ENTPD1: variants seen among roughly 807,000 people sequenced by gnomAD.
The protein encoded by ENTPD1 is ATP diphosphohydrolase.
ENTPD1 carries 33 observed loss-of-function variants against 57.0 expected under a neutral mutation model. The observed-to-expected ratio is 0.58, with a 90% confidence interval of 0.44 to 0.77. The LOEUF is 0.77. ENTPD1 is among the 30% of genes least tolerant of loss of function. The pLI is 0.00. For synonymous variants in ENTPD1, 202 were observed against 218.8 expected (o/e 0.92, Z 0.68); for missense variants, 501 against 603.4 (o/e 0.83, Z 1.78).
chr10:95,840,197 A>G lies in ENTPD1; in HGVS notation c.262+389A>G, dbSNP rs1190060494. 2.6e-5 allele frequency among the ~76,000 whole-genome samples: 4 copies of G among 152,214 alleles called. No individual in the cohort carries two copies. In the East Asian group the frequency reaches 7.7e-4, roughly 29 times the overall value. ...GGTTATACCACTTGTTTGTTACTCA[A>G]GCTAGTAAGTGATGGAGCTGCGGTT... is the stretch of plus-strand genomic sequence containing the variant. On this transcript the variant is annotated intron_variant, in intron 3 of 9. Coordinates refer to ENST00000371205, the MANE Select transcript of ENTPD1 (RefSeq NM_001776.6).
Position 95,868,725 on chromosome 10 carries a change from T to A in ENTPD1, c.*2342T>A, listed in dbSNP as rs542054332. The A allele has an allele frequency of 4.1e-6, 4 of 985,094 alleles. No homozygotes were observed. In the African/African-American group the frequency reaches 5.2e-5, roughly 13 times the overall value. The allele number at this position is 985,094 out of a possible 1,614,324, so 61.0% of individuals were successfully genotyped here. The stretch of plus-strand genomic sequence containing the variant: ...CTCATGTCTTCTGGTTGAAGCCTAT[T>A]GCTTTTTCTTTTCTAAACACTTTCC... On this transcript the variant is annotated 3_prime_UTR_variant, in exon 10 of 10. Coordinates refer to ENST00000371205, the MANE Select transcript of ENTPD1 (RefSeq NM_001776.6).
intron 3 of ENTPD1, among the ~76,000 whole-genome samples, chr10:95,841,110 A>C (rs1157342621): frequency 6.6e-6 from 1 of 152,150 alleles, no homozygotes; most frequent in African/African-American, 2.4e-5. Flanking sequence ...TTAATGGCCA[A>C]GCACGGTGGC....
intron 1 of ENTPD1, among the ~76,000 whole-genome samples, chr10:95,770,939 T>C (rs1302369555): frequency 1.3e-5 from 2 of 152,148 alleles, no homozygotes; most frequent in Non-Finnish European, 2.9e-5. Flanking sequence ...TATAACAAAA[T>C]TTAAAATATA....
At chr10:95,696,430 C>T in the ENTPD1 span, among the ~76,000 whole-genome samples, 3 of 152,000 alleles carry the variant, frequency 2.0e-5, no homozygotes, top group African/African-American at 7.3e-5. Flanking sequence ...ACAGGTGTAC[C>T]CACCACACCC....
chr10:95,727,664 A>G lies in ENTPD1; in HGVS notation c.37+15671A>G, dbSNP rs569337157. ...TAACCTAGAAATGATATATGCTTGC[A>G]TTACTTTTCTCATGGTTATTTACAA... On this transcript the variant is annotated intron_variant, in intron 1 of 9. Transcript: ENST00000453258. Among the ~76,000 whole-genome samples, 80 of 152,294 alleles carry G rather than the reference A, an allele frequency of 5.3e-4. 1 individual carries two copies. The South Asian group carries it at 0.016, about 31-fold the overall frequency.
At chr10:95,796,934 C>T (rs904790489) in intron 1 of ENTPD1, among the ~76,000 whole-genome samples, 10 of 151,776 alleles carry the variant, frequency 6.6e-5, no homozygotes, top group African/African-American at 2.4e-4. Flanking sequence ...TAGCCAGGTG[C>T]GGTGGTGCAC....
intron 1 of ENTPD1, among the ~76,000 whole-genome samples, chr10:95,764,119 G>A (rs1003315223): frequency 2.0e-5 from 3 of 152,130 alleles, no homozygotes; most frequent in Admixed American, 6.5e-5. Context: ...ACCCTGAAAA[G>A]AAACCTCATA....
chr10:95,803,616 A>G (rs2140357458), intron 1 of ENTPD1, among the ~76,000 whole-genome samples: 1 of 152,284 alleles, frequency 6.6e-6, no homozygotes, highest in East Asian at 1.9e-4. Flanking sequence ...TCTTTGTCAG[A>G]TGGGTAGATC....
chr10:95,824,505 A>G (rs2098366666), intron 2 of ENTPD1, among the ~76,000 whole-genome samples: 1 of 152,228 alleles, frequency 6.6e-6, no homozygotes, highest in Non-Finnish European at 1.5e-5. Flanking sequence ...GGCTGATACT[A>G]TCTCATTGTT....
intron 1 of ENTPD1, among the ~76,000 whole-genome samples, chr10:95,806,128 C>A (rs1482438299): frequency 6.6e-6 from 1 of 152,234 alleles, no homozygotes; most frequent in African/African-American, 2.4e-5. Flanking sequence ...TCAGGTACAC[C>A]AATCAGACAT....
the ENTPD1 span, among the ~76,000 whole-genome samples, chr10:95,700,223 T>C: frequency 2.0e-5 from 3 of 152,200 alleles, no homozygotes; most frequent in Non-Finnish European, 2.9e-5. Context: ...TATTAACTTT[T>C]TTGTTTAAAA....
At chr10:95,705,408 G>A in the ENTPD1 span, among the ~76,000 whole-genome samples, 1,383 of 152,102 alleles carry the variant, frequency 9.1e-3, 25 homozygotes, top group African/African-American at 0.031. Flanking sequence ...AAAGCAAAAT[G>A]TATATAAATT....
intron 1 of ENTPD1, among the ~76,000 whole-genome samples, chr10:95,776,499 G>A (rs371187394): frequency 4.5e-4 from 69 of 152,286 alleles, no homozygotes; most frequent in African/African-American, 1.4e-3. Context: ...AGTTTCTGCC[G>A]AGAGATCCAC....
At chr10:95,802,388 T>C (rs1272112364) in intron 1 of ENTPD1, among the ~76,000 whole-genome samples, 2 of 152,196 alleles carry the variant, frequency 1.3e-5, no homozygotes, top group Non-Finnish European at 2.9e-5. Context: ...TTTCTTTTCT[T>C]TTCTTTTTTC....
chr10:95,756,506 T>A (rs1169276190), intron 1 of ENTPD1: 1 of 507,464 alleles, frequency 2.0e-6, no homozygotes, highest in Non-Finnish European at 3.5e-6. Context: ...CATTATCAAT[T>A]TGTATTCAGA....
chr10:95,702,755 A>G, the ENTPD1 span, among the ~76,000 whole-genome samples: 7 of 152,236 alleles, frequency 4.6e-5, no homozygotes, highest in African/African-American at 1.4e-4. Context: ...TAGCTTAAAA[A>G]GACATATTAC....
intron 4 of ENTPD1, among the ~76,000 whole-genome samples, chr10:95,843,780 T>C (rs887226438): frequency 3.3e-5 from 5 of 152,130 alleles, no homozygotes; most frequent in Non-Finnish European, 7.4e-5. Flanking sequence ...GCCATTTAGA[T>C]GAGAGATGAC....
chr10:95,768,407 A>G (rs2098099822), intron 1 of ENTPD1, among the ~76,000 whole-genome samples: 1 of 151,700 alleles, frequency 6.6e-6, no homozygotes. Flanking sequence ...TGGATCTCTT[A>G]TCTCTAAATT....
intron 1 of ENTPD1, among the ~76,000 whole-genome samples, chr10:95,740,298 C>T (rs1487895891): frequency 6.6e-6 from 1 of 152,150 alleles, no homozygotes; most frequent in Admixed American, 6.5e-5. Flanking sequence ...CCTAATTCTT[C>T]TGCATTTTTA....
Sources: gnomAD v4.1 joint callset for allele counts (sites outside exome capture counted in the v4.1 genomes callset) on GRCh38, gnomAD v4.1.1 for gene constraint, MANE v1.5 for transcripts, NCBI Gene and HGNC (gene_info 2026-07-23, HGNC 2026-07-21) for gene names.